OSBPL10: variants seen among roughly 807,000 people sequenced by gnomAD.
OSBPL10 encodes oxysterol-binding protein-related protein 10.
Under a neutral mutation model 81.7 loss-of-function variants are expected in OSBPL10, and 49 were observed. The observed-to-expected ratio is 0.60, with a 90% CI of 0.48 to 0.76. The LOEUF is 0.76. OSBPL10 is among the 30% of genes least tolerant of loss of function. OSBPL10 has a pLI of 0.00. For missense variants in OSBPL10, 923 were observed against 987.8 expected (o/e 0.93, Z 0.88); for synonymous variants, 419 against 383.6 (o/e 1.09, Z -1.08).
chr3:32,042,458 A>G (rs1246924898), intron 2 of OSBPL10, among the ~76,000 whole-genome samples: 1 of 152,182 alleles, frequency 6.6e-6, no homozygotes, highest in Non-Finnish European at 1.5e-5. Flanking sequence ...CAAAAGCATC[A>G]TCCCCTTTTT....
Position 31,716,759 on chromosome 3 carries a change from T to C in OSBPL10, c.1096-14251A>G, listed in dbSNP as rs73068005. On this transcript the variant is annotated intron_variant, in intron 6 of 11. Coordinates refer to ENST00000396556, the MANE Select transcript of OSBPL10 (RefSeq NM_017784.5). ...TGAAGAAAATTATATTCTTCAACATTAGACAAGGTTCCAGAAATTTCATTT... is the reference window on the plus strand; with the variant it reads ...TGAAGAAAATTATATTCTTCAACATCAGACAAGGTTCCAGAAATTTCATTT... 2.1e-3 allele frequency among the ~76,000 whole-genome samples: 325 copies of C among 152,302 alleles called. 1 individual carries two copies. The highest frequency in any genetic ancestry group is 3.9e-3 in the Non-Finnish European group (268 of 68,030).
At chr3:31,717,983 G>A (rs1172770096) in intron 6 of OSBPL10, 6 of 152,226 alleles carry the variant, frequency 3.9e-5, no homozygotes, top group Non-Finnish European at 5.9e-5. Context: ...TAATCAGAAC[G>A]GTGGGATTCT....
Position 32,063,545 on chromosome 3 carries a change from G to C in OSBPL10, n.185+13851C>G, listed in dbSNP as rs1016217768. Reference sequence around the variant, plus strand: ...GCAAATTTGGCCCTGGGCTATCAGGGAGATGTAGGCAAGTGACATGTAGGT... The same window carrying C: ...GCAAATTTGGCCCTGGGCTATCAGGCAGATGTAGGCAAGTGACATGTAGGT... On this transcript the variant is annotated intron_variant and non_coding_transcript_variant, in intron 1 of 3. Transcript: ENST00000479173. 1.5e-4 allele frequency among the ~76,000 whole-genome samples: 14 copies of C among 92,174 alleles called. 4 individuals are homozygous for C. Among genetic ancestry groups the C allele is most frequent in the Non-Finnish European group, 3.5e-4 (12 of 34,408 alleles). 60.5% of individuals were successfully genotyped at this position (92,174 alleles called of 152,430 possible). A position where few individuals can be genotyped will look rare whatever the true frequency, so the allele number is the denominator to read the frequency against.
intron 1 of OSBPL10, among the ~76,000 whole-genome samples, chr3:31,901,064 T>A (rs906580292): frequency 6.6e-6 from 1 of 152,238 alleles, no homozygotes; most frequent in Non-Finnish European, 1.5e-5. Context: ...AAAATAGATG[T>A]TGACTTTTAT....
At chr3:31,728,527 G>C (rs189835691) in intron 6 of OSBPL10, among the ~76,000 whole-genome samples, 4 of 152,168 alleles carry the variant, frequency 2.6e-5, no homozygotes, top group Non-Finnish European at 5.9e-5. Context: ...TCTTCAACTA[G>C]TAAACGGATA....
chr3:31,829,289 A>C (rs1004534008), intron 4 of OSBPL10, among the ~76,000 whole-genome samples: 1 of 152,230 alleles, frequency 6.6e-6, no homozygotes, highest in Non-Finnish European at 1.5e-5. Flanking sequence ...TTTATTTGAG[A>C]GTCTGTTCTC....
At chr3:32,014,350 G>C (rs548279547) in intron 2 of OSBPL10, among the ~76,000 whole-genome samples, 1 of 152,152 alleles carries the variant, frequency 6.6e-6, no homozygotes, top group African/African-American at 2.4e-5. Flanking sequence ...AAAAGTACAT[G>C]ATTATCTCAA....
chr3:31,976,720 G>A (rs1279789870), intron 1 of OSBPL10, among the ~76,000 whole-genome samples: 1 of 152,134 alleles, frequency 6.6e-6, no homozygotes, highest in Non-Finnish European at 1.5e-5. Flanking sequence ...GCCTCCCAAA[G>A]TGCTGGGATT....
At chr3:31,696,245 T>C (rs1695717433) in intron 7 of OSBPL10, among the ~76,000 whole-genome samples, 1 of 152,148 alleles carries the variant, frequency 6.6e-6, no homozygotes. Context: ...CCTCCTCAAA[T>C]TCCTGCACTC....
chr3:31,889,353 G>A (rs527889631), intron 1 of OSBPL10, among the ~76,000 whole-genome samples: 11 of 152,210 alleles, frequency 7.2e-5, no homozygotes, highest in African/African-American at 1.7e-4. Context: ...GCACCCCCAC[G>A]TTTAGTGCAG....
intron 7 of OSBPL10, among the ~76,000 whole-genome samples, chr3:31,690,919 CTTT>C (rs10706251): frequency 6.8e-6 from 1 of 148,018 alleles, no homozygotes; most frequent in Admixed American, 6.7e-5. Context: ...GCACCCTCTC[CTTT>C]TTTTTTTTTG....
intron 1 of OSBPL10, among the ~76,000 whole-genome samples, chr3:31,909,319 C>T (rs930334991): frequency 6.6e-6 from 1 of 152,130 alleles, no homozygotes; most frequent in East Asian, 1.9e-4. Flanking sequence ...AATATATTAG[C>T]ATTCAACCAG....
chr3:31,897,165 T>C (rs1011141813), intron 1 of OSBPL10, among the ~76,000 whole-genome samples: 2 of 152,074 alleles, frequency 1.3e-5, no homozygotes, highest in Admixed American at 6.5e-5. Flanking sequence ...ACAAATACCA[T>C]AGTTAGCCTC....
intron 2 of OSBPL10, among the ~76,000 whole-genome samples, chr3:32,014,782 A>G (rs1699298663): frequency 6.6e-6 from 1 of 152,236 alleles, no homozygotes; most frequent in Non-Finnish European, 1.5e-5. Flanking sequence ...AAAAATCACA[A>G]GCATTTTATA....
Position 31,972,142 on chromosome 3 carries a change from AC to A in OSBPL10, c.281+8756del, listed in dbSNP as rs1192190048. 7.3e-4 allele frequency among the ~76,000 whole-genome samples: 111 copies of A among 152,348 alleles called. 1 individual carries two copies. Among genetic ancestry groups the A allele is most frequent in the African/African-American group, 2.6e-3 (109 of 41,582 alleles). On this transcript the variant is annotated intron_variant, in intron 1 of 11. Transcript: ENST00000396556. Reference sequence around the variant, plus strand: ...AGTGGCTCACGCCTGTAATCCCAGCACTTCGGGAGGCCAAGGCGGGCGGATC... The same window carrying A: ...AGTGGCTCACGCCTGTAATCCCAGCATTCGGGAGGCCAAGGCGGGCGGATC...
rs9860627 is a variant in OSBPL10 at position 31,662,586 on chromosome 3, T to C, written c.2251-470A>G. The C allele has an allele frequency of 1.7e-5, 17 of 995,558 alleles. No individual in the cohort carries two copies. In the African/African-American group the frequency reaches 2.6e-4, roughly 15 times the overall value. 61.7% of individuals were successfully genotyped at this position (995,558 alleles called of 1,614,324 possible). ...CACAAGAAACACCATCAATCAAATA[T>C]CAAGTGAGAAAAAGGCAAGAATTAA... On this transcript the variant is annotated intron_variant, in intron 11 of 11. Coordinates refer to ENST00000396556, the MANE Select transcript of OSBPL10 (RefSeq NM_017784.5).
chr3:31,823,573 C>T (rs1437103099), intron 4 of OSBPL10, among the ~76,000 whole-genome samples: 1 of 152,068 alleles, frequency 6.6e-6, no homozygotes, highest in Non-Finnish European at 1.5e-5. Context: ...CCCAACCTGT[C>T]CACAGCCCAG....
At chr3:31,687,014 G>T (rs574538704) in intron 7 of OSBPL10, among the ~76,000 whole-genome samples, 2 of 152,228 alleles carry the variant, frequency 1.3e-5, no homozygotes, top group South Asian at 4.2e-4. Flanking sequence ...TGGGGAGTGT[G>T]AATTTAAGCA....
At chr3:31,674,346 G>A (rs2125522587) in intron 8 of OSBPL10, among the ~76,000 whole-genome samples, 2 of 152,152 alleles carry the variant, frequency 1.3e-5, no homozygotes, top group South Asian at 4.2e-4. Flanking sequence ...TTGAGCCCAG[G>A]AGTTTGAGAC....
Sources: allele counts gnomAD v4.1 joint callset (sites outside exome capture counted in the v4.1 genomes callset), GRCh38; gene constraint gnomAD v4.1.1; transcripts MANE v1.5; gene names NCBI Gene and HGNC (gene_info 2026-07-23, HGNC 2026-07-21).